Variants in CLPTM1L observed in about 807,000 individuals in gnomAD.
CLPTM1L encodes the protein CLPTM1 like.
CLPTM1L carries 38 observed loss-of-function variants against 70.9 expected under a neutral mutation model. The ratio of observed to expected loss-of-function variants is 0.54; its 90% CI spans 0.41 to 0.70. The LOEUF is 0.70. CLPTM1L is among the 30% of genes least tolerant of loss of function. The pLI, the probability that CLPTM1L is intolerant of heterozygous loss-of-function variation, is 0.00. For synonymous variants in CLPTM1L, 339 were observed against 299.9 expected (o/e 1.13, Z -1.35); for missense variants, 652 against 705.9 (o/e 0.92, Z 0.87).
Position 1,318,286 on chromosome 5 carries a change from T to C in CLPTM1L, c.*83A>G, listed in dbSNP as rs1751947604. The stretch of plus-strand genomic sequence containing the variant: ...GATTTTGGCAACACAGAAAACGCAA[T>C]GTCTAGGAATTCCTCCAAATGCTTC... On this transcript the variant is annotated 3_prime_UTR_variant, in exon 17 of 17. Coordinates refer to ENST00000320895, the MANE Select transcript of CLPTM1L (RefSeq NM_030782.5). The surrounding 1 kb of genome is among the most constrained non-coding windows in gnomAD (Gnocchi z 8.9). 4 of 1,114,294 alleles carry C rather than the reference T, an allele frequency of 3.6e-6. No individual in the cohort carries two copies. The highest frequency in any genetic ancestry group is 5.4e-6 in the Non-Finnish European group (4 of 739,976). 69.0% of individuals were successfully genotyped at this position (1,114,294 alleles called of 1,614,324 possible).
At position 1,322,883 on chromosome 5, in the gene CLPTM1L, C is replaced by G. The variant is rs201228545; in HGVS notation, c.1309G>C (p.Val437Leu). The G allele has an allele frequency of 5.0e-5, 80 of 1,613,734 alleles. No individual in the cohort carries two copies. Among genetic ancestry groups the G allele is most frequent in the Non-Finnish European group, 6.0e-5 (71 of 1,179,888 alleles). ...SWYSWLINSF[V>L]NGVYAFGFLF... The stretch of plus-strand genomic sequence containing the variant: ...GGGAAGCACATGGACTCACCGTTGA[C>G]GAAGCTGTTGATTAACCAGGAGTAC... The change falls in exon 13 of 17, where the codon GTC (valine) becomes CTC (leucine). Residue 437 changes from valine (V) to leucine (L), a missense_variant. Physicochemically the swap from Val to Leu is conservative, Grantham distance 32. Around this residue, in one of 3 missense-constraint regions of CLPTM1L, gnomAD observed 240 missense variants for 295.0 expected, o/e 0.81. Coordinates refer to ENST00000320895, the MANE Select transcript of CLPTM1L (RefSeq NM_030782.5).
rs1006406013 is a variant in CLPTM1L at position 1,342,010 on chromosome 5, G to C, written c.264-150C>G. ...CCACCTGCCCAGGGCTTTACGAGTC[G>C]TGTGTGTGTGTGTGTGTGTGTGTGT... is the stretch of plus-strand genomic sequence containing the variant. On this transcript the variant is annotated intron_variant, in intron 2 of 16. Coordinates refer to ENST00000320895, the MANE Select transcript of CLPTM1L (RefSeq NM_030782.5). This position sits in a 1 kb window ranked among gnomAD's most constrained non-coding sequence, Gnocchi z 4.3. 1 of 270,656 alleles carries C rather than the reference G, an allele frequency of 3.7e-6. No homozygotes were observed. The highest frequency in any genetic ancestry group is 4.9e-5 in the African/African-American group (1 of 20,598). 16.8% of individuals were successfully genotyped at this position (270,656 alleles called of 1,614,324 possible).
At chr5:1,325,977 C>A in intron 9 of CLPTM1L, 161 bp from the exon 10 acceptor site, 1 of 625,100 alleles carries the variant, frequency 1.6e-6, no homozygotes. Context: ...GCGCTGGAGG[C>A]TGGACCTGGG....
chr5:1,329,150 T>C lies in CLPTM1L; in HGVS notation c.1080+1130A>G, dbSNP rs553299148. Among the ~76,000 whole-genome samples the C allele has an allele frequency of 2.0e-5, 3 of 152,382 alleles. No individual in the cohort carries two copies. In the East Asian group the frequency reaches 5.8e-4, roughly 29 times the overall value. On this transcript the variant is annotated intron_variant, in intron 9 of 16. Coordinates refer to ENST00000320895, the MANE Select transcript of CLPTM1L (RefSeq NM_030782.5). ...GGCTTAAGCCTGGGCCCTCTCACCC[T>C]GAAGGCCATCGCCCCCCTCAAGGGT...
In CLPTM1L at chr5:1,344,693, C is replaced by G; in HGVS notation, c.149G>C (p.Arg50Pro). 6.4e-7 allele frequency: 1 copy of G among 1,565,020 alleles called. No individual in the cohort carries two copies. Among genetic ancestry groups the G allele is most frequent in the Non-Finnish European group, 8.6e-7 (1 of 1,156,512 alleles). The change falls in exon 1 of 17, where the codon CGG (arginine) becomes CCG (proline). Residue 50 changes from arginine (R) to proline (P), a missense_variant. Physicochemically the swap from Arg to Pro is moderately radical, Grantham distance 103. Transcript: ENST00000320895. The stretch of plus-strand genomic sequence containing the variant: ...GCGGACGCTCACCTGCAGCTTGGGC[C>G]GCCGCGCCAGGTAGGGCTGGATGCA... ...ANCIQPYLARRPKLQLSVYTT... is the reference protein window; with the variant it reads ...ANCIQPYLARPPKLQLSVYTT...
Position 1,344,450 on chromosome 5 carries a change from A to G in CLPTM1L, c.164T>C (p.Leu55Pro). 3 of 1,613,048 alleles carry G rather than the reference A, an allele frequency of 1.9e-6. No homozygotes were observed. Among genetic ancestry groups the G allele is most frequent in the Non-Finnish European group, 2.5e-6 (3 of 1,179,416 alleles). ...GGACCTCGTCGTGGTGTACACGCTCAGCTGGAAAGGAGGGGGCGTCGAGAG... is the reference window on the plus strand; with the variant it reads ...GGACCTCGTCGTGGTGTACACGCTCGGCTGGAAAGGAGGGGGCGTCGAGAG... ...PYLARRPKLQLSVYTTTRSHL... is the reference protein window; with the variant it reads ...PYLARRPKLQPSVYTTTRSHL... Residue 55 changes from leucine to proline, a missense_variant and splice_region_variant, in exon 2 of 17, where the codon CTG becomes CCG. Leu to Pro is a moderately conservative substitution (Grantham distance 98). Coordinates refer to ENST00000320895, the MANE Select transcript of CLPTM1L (RefSeq NM_030782.5).
chr5:1,342,509 C>G lies in CLPTM1L; in HGVS notation c.264-649G>C, dbSNP rs1754014977. ...GGTGCCTGGCTCTTCACCCGCACAC[C>G]AGGGCCCGACGTCCATACTACAGCC... On this transcript the variant is annotated intron_variant, in intron 2 of 16. Coordinates refer to ENST00000320895, the MANE Select transcript of CLPTM1L (RefSeq NM_030782.5). This position sits in a 1 kb window ranked among gnomAD's most constrained non-coding sequence, Gnocchi z 4.3. Among the ~76,000 whole-genome samples the G allele has an allele frequency of 6.6e-6, 1 of 152,202 alleles. No individual in the cohort carries two copies. Among genetic ancestry groups the G allele is most frequent in the South Asian group, 2.1e-4 (1 of 4,832 alleles).
In CLPTM1L at chr5:1,327,868, T is replaced by TCCAGCTCCTCCTCTACAGGGACATTC. The variant is rs1752733644; in HGVS notation, c.1081-2053_1081-2052insGAATGTCCCTGTAGAGGAGGAGCTGG. 8.9e-5 allele frequency among the ~76,000 whole-genome samples: 4 copies of TCCAGCTCCTCCTCTACAGGGACATTC among 45,116 alleles called. 1 individual carries two copies. Among genetic ancestry groups the TCCAGCTCCTCCTCTACAGGGACATTC allele is most frequent in the Non-Finnish European group, 1.9e-4 (4 of 21,380 alleles). 29.6% of individuals were successfully genotyped at this position (45,116 alleles called of 152,430 possible). ...CCAGCTCCTCCTCTACAGACACATT[T>TCCAGCTCCTCCTCTACAGGGACATTC]CATCCAGCTCCTCCTCTACAGGGAC... On this transcript the variant is annotated intron_variant, in intron 9 of 16. Transcript: ENST00000320895.
At chr5:1,324,621 T>G in intron 11 of CLPTM1L, 142 bp downstream of exon 11, 1 of 802,534 alleles carries the variant, frequency 1.2e-6, no homozygotes, top group Admixed American at 2.2e-5. Flanking sequence ...GTTTTATGTG[T>G]TCACTCTTGG....
chr5:1,322,342 T>A lies in CLPTM1L; in HGVS notation c.1316-523A>T, dbSNP rs544752402. Among the ~76,000 whole-genome samples the A allele has an allele frequency of 1.2e-3, 179 of 152,302 alleles. No homozygotes were observed. In the Middle Eastern group the frequency reaches 0.017, roughly 14 times the overall value. On this transcript the variant is annotated intron_variant, in intron 13 of 16. Transcript: ENST00000320895. The stretch of plus-strand genomic sequence containing the variant: ...AGCCCATGCAGCTGAAGGTGCCACC[T>A]GGGGCAGGCGGGCCTCCCAGGACAT...
chr5:1,327,828 A>G (rs1388123854), intron 9 of CLPTM1L, among the ~76,000 whole-genome samples: 19 of 142,762 alleles, frequency 1.3e-4, no homozygotes, highest in Middle Eastern at 4.1e-3. Context: ...CTCCTCCTCT[A>G]CAGACACATT....
At chr5:1,341,483 G>A (rs752899379) in intron 3 of CLPTM1L, among the ~76,000 whole-genome samples, 188 bp downstream of exon 3, 3 of 152,220 alleles carry the variant, frequency 2.0e-5, no homozygotes, top group Non-Finnish European at 4.4e-5. Context: ...GATAAAACTT[G>A]TCTGCAAACT....
At position 1,335,154 on chromosome 5, in the gene CLPTM1L, G is replaced by C. The variant is rs747860215; in HGVS notation, c.699C>G (p.Thr233=). ...KDLMVINRST[T]ELPLTVSYDK... The stretch of plus-strand genomic sequence containing the variant: ...CGTAGGACACGGTGAGGGGCAGCTC[G>C]GTGGTGGAGCGGTTTATGACCTGAT... The change falls in exon 6 of 17, where the codon ACC becomes ACG. Residue 233 remains threonine (T), a synonymous_variant. Coordinates refer to ENST00000320895, the MANE Select transcript of CLPTM1L (RefSeq NM_030782.5). 19 of 1,613,524 alleles carry C rather than the reference G, an allele frequency of 1.2e-5. No homozygotes were observed. In the South Asian group the frequency reaches 2.0e-4, roughly 17 times the overall value.
In CLPTM1L at chr5:1,345,057, C is replaced by A. The variant is rs1754192076; in HGVS notation, c.-216G>T. On this transcript the variant is annotated 5_prime_UTR_variant, in exon 1 of 17. Transcript: ENST00000320895. ...TCCCACCTGGCGCCGCGGGATTCGC[C>A]GGCCCCGCGCGCCGCTTCCGGGCCC... is the stretch of plus-strand genomic sequence containing the variant. 1 of 160,470 alleles carries A rather than the reference C, an allele frequency of 6.2e-6. No homozygotes were observed. The highest frequency in any genetic ancestry group is 2.4e-5 in the African/African-American group (1 of 41,306). 9.9% of individuals were successfully genotyped at this position (160,470 alleles called of 1,614,324 possible).
chr5:1,327,600 A>G lies in CLPTM1L; in HGVS notation c.1081-1784T>C, dbSNP rs538889481. ...ATTCCATCCAGCTCCTCCTCTACAG[A>G]CACATTTCATCCAGCTCCTCCTCTA... On this transcript the variant is annotated intron_variant, in intron 9 of 16. Coordinates refer to ENST00000320895, the MANE Select transcript of CLPTM1L (RefSeq NM_030782.5). Among the ~76,000 whole-genome samples the G allele has an allele frequency of 2.8e-4, 38 of 136,672 alleles. 1 individual carries two copies. The East Asian group carries it at 3.1e-3, about 11-fold the overall frequency. The allele number at this position is 136,672 out of a possible 152,430, so 89.7% of individuals were successfully genotyped here. A position where few individuals can be genotyped will look rare whatever the true frequency, so the allele number is the denominator to read the frequency against.
intron 13 of CLPTM1L, 117 bp downstream of exon 13, chr5:1,322,760 G>A: frequency 1.9e-6 from 2 of 1,028,616 alleles, no homozygotes; most frequent in Non-Finnish European, 3.1e-6. Flanking sequence ...AACAGGGTGG[G>A]GAGGGATTAG....
At position 1,330,360 on chromosome 5, in the gene CLPTM1L, C is replaced by T. The variant is rs373909465; in HGVS notation, c.1000G>A (p.Val334Met). 3.5e-5 allele frequency: 56 copies of T among 1,612,714 alleles called. No homozygotes were observed. Among genetic ancestry groups the T allele is most frequent in the Non-Finnish European group, 4.0e-5 (47 of 1,179,996 alleles). Residue 334 changes from valine to methionine, a missense_variant, in exon 9 of 17, where the codon GTG (valine) becomes ATG (methionine). Physicochemically the swap from Val to Met is conservative, Grantham distance 21 (BLOSUM62 1). Coordinates refer to ENST00000320895, the MANE Select transcript of CLPTM1L (RefSeq NM_030782.5). ...KAVLWRCFST[V>M]VIFLFLLDEQ... ...TCCAGCAGGAACAGAAAGATGACCA[C>T]GGTGCTGAAGCAGCGCCAGAGCACT...
chr5:1,323,578 G>C (rs1752316331), intron 12 of CLPTM1L, among the ~76,000 whole-genome samples: 2 of 152,184 alleles, frequency 1.3e-5, no homozygotes, highest in Non-Finnish European at 2.9e-5. Flanking sequence ...CTGGTGGCTG[G>C]AGTCAGTCCT....
chr5:1,320,702 A>G lies in CLPTM1L; in HGVS notation c.1446T>C (p.Phe482=). 1 of 1,547,800 alleles carries G rather than the reference A, an allele frequency of 6.5e-7. No individual in the cohort carries two copies. Among genetic ancestry groups the G allele is most frequent in the Non-Finnish European group, 8.7e-7 (1 of 1,144,722 alleles). Residue 482 remains phenylalanine, a synonymous_variant, in exon 16 of 17, where the codon TTT becomes TTC. Coordinates refer to ENST00000320895, the MANE Select transcript of CLPTM1L (RefSeq NM_030782.5). ...KAFNTFIDDV[F]AFIITMPTSH... ...ACGTGGGCATGGTGATGATGAAGGC[A>G]AAGACGTCATCAATGAAGGTGTTGA...
Sources: allele counts gnomAD v4.1 joint callset (sites outside exome capture counted in the v4.1 genomes callset), GRCh38; gene constraint gnomAD v4.1.1; regional missense constraint gnomAD v4.1.1; non-coding constraint Gnocchi (gnomAD v3.1); transcripts MANE v1.5; gene names NCBI Gene and HGNC (gene_info 2026-07-23, HGNC 2026-07-21).